The following NOS1 variants were observed in gnomAD, a reference collection of about 807,000 sequenced individuals.
NOS1 encodes the protein nitric oxide synthase 1, also known as NOS type I.
NOS1 carries 51 observed loss-of-function variants against 164.5 expected under a neutral mutation model. The observed-to-expected ratio is 0.31, with a 90% confidence interval of 0.25 to 0.39. NOS1 has a LOEUF of 0.39. Ranked by LOEUF, NOS1 falls within the 10% of genes least tolerant of loss-of-function variation. The pLI is 1.00. For synonymous variants in NOS1, 719 were observed against 745.8 expected (o/e 0.96, Z 0.59); for missense variants, 1,362 against 1,885.6 (o/e 0.72, Z 5.14).
chr12:117,323,230 T>TGAAGCTAG (rs1875075940), intron 2 of NOS1, among the ~76,000 whole-genome samples: 1 of 152,208 alleles, frequency 6.6e-6, no homozygotes, highest in Non-Finnish European at 1.5e-5. Context: ...GTTGCTTGAA[T>TGAAGCTAG]GAAGCTAGGT....
At chr12:117,294,475 T>C (rs963124338) in intron 3 of NOS1, among the ~76,000 whole-genome samples, 11 of 152,188 alleles carry the variant, frequency 7.2e-5, no homozygotes, top group African/African-American at 2.7e-4. Flanking sequence ...TGGGTTTCAC[T>C]GGATTGCACA....
Position 117,263,869 on chromosome 12 carries a change from G to A in NOS1, c.2222+20C>T, listed in dbSNP as rs952180597. On this transcript the variant is annotated intron_variant, in intron 13 of 28. Coordinates refer to ENST00000317775, the MANE Select transcript of NOS1 (RefSeq NM_000620.5). ...GTTTGTGGGGACATCCACCCCACCC[G>A]CCCACTGCACGAAACTTACTCTGCT... 12 of 1,598,004 alleles carry A rather than the reference G, an allele frequency of 7.5e-6. No homozygotes were observed. Among genetic ancestry groups the A allele is most frequent in the African/African-American group, 4.0e-5 (3 of 74,574 alleles).
chr12:117,361,129 G>A (rs1183575785), intron 1 of NOS1, among the ~76,000 whole-genome samples: 3 of 152,224 alleles, frequency 2.0e-5, no homozygotes, highest in South Asian at 2.1e-4. Flanking sequence ...GAACTCACCT[G>A]ACGCCGAGCC....
intron 13 of NOS1, 142 bp downstream of exon 13, chr12:117,263,747 G>A: frequency 1.6e-6 from 1 of 618,852 alleles, no homozygotes; most frequent in Non-Finnish European, 2.9e-6. Flanking sequence ...CAGAGGCAAA[G>A]AAGGCCCAGG....
chr12:117,268,900 A>G (rs557000948), intron 10 of NOS1, among the ~76,000 whole-genome samples: 2 of 152,236 alleles, frequency 1.3e-5, no homozygotes, highest in East Asian at 1.9e-4. Flanking sequence ...CCCAGCCTCA[A>G]AAATTTTTTA....
At chr12:117,290,486 C>A in intron 3 of NOS1, 60 bp from the exon 4 acceptor site, 1 of 1,551,684 alleles carries the variant, frequency 6.4e-7, no homozygotes, top group South Asian at 1.2e-5. Context: ...GTAACATTGT[C>A]TCCACAGAGG....
At chr12:117,348,045 A>T (rs1413454135) in intron 1 of NOS1, 10 of 103,326 alleles carry the variant, frequency 9.7e-5, no homozygotes, top group Admixed American at 1.2e-4. Flanking sequence ...TTTTTTAGTG[A>T]CTCTACCTGG....
rs747318902 is a variant in NOS1, at chr12:117,213,439, C to T, written c.*1870G>A. The T allele has an allele frequency of 2.0e-5, 20 of 985,348 alleles. No homozygotes were observed. The highest frequency in any genetic ancestry group is 2.2e-5 in the Non-Finnish European group (18 of 830,032). 61.0% of individuals were successfully genotyped at this position (985,348 alleles called of 1,614,324 possible). On this transcript the variant is annotated 3_prime_UTR_variant, in exon 29 of 29. Transcript: ENST00000317775. ...AGGGGAAATTGGGATTAAAGGAAGG[C>T]AGGGGAGATTATAGCTGGCATGAAG...
chr12:117,211,728 C>T lies in NOS1; in HGVS notation c.*3581G>A. Reference sequence around the variant, plus strand: ...GAAATCCCGCCCATTTCTCAAACCCCAGAAATTTATGTCAGTTCCAAGACG... The same window carrying T: ...GAAATCCCGCCCATTTCTCAAACCCTAGAAATTTATGTCAGTTCCAAGACG... On this transcript the variant is annotated 3_prime_UTR_variant, in exon 29 of 29. Transcript: ENST00000317775. 2.0e-6 allele frequency: 2 copies of T among 985,458 alleles called. No individual in the cohort carries two copies. Among genetic ancestry groups the T allele is most frequent in the Non-Finnish European group, 2.4e-6 (2 of 830,012 alleles). The allele number at this position is 985,458 out of a possible 1,614,324, so 61.0% of individuals were successfully genotyped here. A position where few individuals can be genotyped will look rare whatever the true frequency, so the allele number is the denominator to read the frequency against.
chr12:117,258,366 G>A (rs1194203697), intron 16 of NOS1, 31 bp downstream of exon 16: 1 of 1,611,610 alleles, frequency 6.2e-7, no homozygotes, highest in South Asian at 1.1e-5. Flanking sequence ...CTCGGGGGTG[G>A]CGGGTGACGT....
rs771033870 is a variant in NOS1 at position 117,215,340 on chromosome 12, T to C, written c.4290-16A>G. ...GCTGAAAACCCTGTGGAAAGAGAAG[T>C]TGGGGGGCAGTTAGTGCCCCAAGGG... On this transcript the variant is annotated splice_polypyrimidine_tract_variant and intron_variant, in intron 28 of 28. Coordinates refer to ENST00000317775, the MANE Select transcript of NOS1 (RefSeq NM_000620.5). 13 of 1,531,830 alleles carry C rather than the reference T, an allele frequency of 8.5e-6. No individual in the cohort carries two copies. Among genetic ancestry groups the C allele is most frequent in the Non-Finnish European group, 9.7e-6 (11 of 1,138,066 alleles). The allele number at this position is 1,531,830 out of a possible 1,614,324, so 94.9% of individuals were successfully genotyped here.
intron 27 of NOS1, 90 bp from the exon 28 acceptor site, chr12:117,218,254 T>C: frequency 2.2e-6 from 2 of 914,380 alleles, no homozygotes; most frequent in South Asian, 1.4e-5. Context: ...TGGAATGGAA[T>C]ATCCCTAAGG....
At chr12:117,327,849 C>T (rs1017962502) in intron 2 of NOS1, among the ~76,000 whole-genome samples, 2 of 152,082 alleles carry the variant, frequency 1.3e-5, no homozygotes, top group African/African-American at 4.8e-5. Flanking sequence ...CCTGGTTTCC[C>T]CTCTGCCCAG....
Position 117,213,318 on chromosome 12 carries a change from G to A in NOS1, c.*1991C>T, listed in dbSNP as rs1956555792. 7 of 985,410 alleles carry A rather than the reference G, an allele frequency of 7.1e-6. No homozygotes were observed. The highest frequency in any genetic ancestry group is 1.7e-5 in the African/African-American group (1 of 57,252). 61.0% of individuals were successfully genotyped at this position (985,410 alleles called of 1,614,324 possible). A position where few individuals can be genotyped will look rare whatever the true frequency, so the allele number is the denominator to read the frequency against. The stretch of plus-strand genomic sequence containing the variant: ...GCTACTAGGAGCTGGAAATGGGTTT[G>A]CAGGAAAGGAGTTTAGAATGGGCTT... On this transcript the variant is annotated 3_prime_UTR_variant, in exon 29 of 29. Coordinates refer to ENST00000317775, the MANE Select transcript of NOS1 (RefSeq NM_000620.5).
intron 22 of NOS1, among the ~76,000 whole-genome samples, 188 bp downstream of exon 22, chr12:117,231,774 T>C (rs1430358027): frequency 6.6e-6 from 1 of 152,208 alleles, no homozygotes; most frequent in Non-Finnish European, 1.5e-5. Flanking sequence ...ACTCTTGCTC[T>C]GCCAGGCCTT....
At chr12:117,300,815 G>C (rs1440546191) in intron 3 of NOS1, among the ~76,000 whole-genome samples, 1 of 152,156 alleles carries the variant, frequency 6.6e-6, no homozygotes, top group Non-Finnish European at 1.5e-5. Flanking sequence ...CTCCTACAGA[G>C]GGAAATTAAT....
At chr12:117,263,027 G>A (rs564080946) in intron 13 of NOS1, among the ~76,000 whole-genome samples, 6 of 152,136 alleles carry the variant, frequency 3.9e-5, no homozygotes, top group Admixed American at 3.3e-4. Context: ...ACCATTCCTC[G>A]ATGGTACCTT....
chr12:117,246,974 C>T (rs1380430183), intron 18 of NOS1, among the ~76,000 whole-genome samples: 1 of 152,106 alleles, frequency 6.6e-6, no homozygotes, highest in African/African-American at 2.4e-5. Context: ...GAGGGGTAGG[C>T]GTGTCAAAAT....
intron 22 of NOS1, among the ~76,000 whole-genome samples, chr12:117,229,558 ATTC>A (rs1275298644): frequency 4.1e-5 from 6 of 145,016 alleles, no homozygotes; most frequent in East Asian, 2.0e-4. Flanking sequence ...GTTATATCAA[ATTC>A]TTCTATCTAT....
Sources: gnomAD v4.1 joint callset for allele counts (sites outside exome capture counted in the v4.1 genomes callset) on GRCh38, gnomAD v4.1.1 for gene constraint, MANE v1.5 for transcripts, NCBI Gene and HGNC (gene_info 2026-07-23, HGNC 2026-07-21) for gene names.